Variants in IQCH observed in about 807,000 individuals in gnomAD.
The protein encoded by IQCH is IQ motif containing H.
In IQCH, 98 loss-of-function variants were observed where a neutral mutation model predicts 117.0. The observed-to-expected ratio is 0.84, with a 90% CI of 0.71 to 0.99. The LOEUF (loss-of-function observed/expected upper bound fraction) is 0.99. Among genes scored for constraint, IQCH ranks in the 50% least tolerant of loss-of-function variants. IQCH has a pLI of 0.00. For missense variants in IQCH, 1,102 were observed against 1,243.8 expected (o/e 0.89, Z 1.72); for synonymous variants, 412 against 448.2 (o/e 0.92, Z 1.02).
chr15:67,303,074 T>A (rs1043487567), intron 4 of IQCH, among the ~76,000 whole-genome samples: 2 of 152,200 alleles, frequency 1.3e-5, no homozygotes, highest in Non-Finnish European at 2.9e-5. Context: ...TCTGTCCAAT[T>A]CCTACAACAT....
In IQCH at chr15:67,417,044, C is replaced by G; in HGVS notation, c.2211C>G (p.Leu737=). The G allele has an allele frequency of 2.5e-6, 4 of 1,607,418 alleles. No individual in the cohort carries two copies. The highest frequency in any genetic ancestry group is 3.4e-6 in the Non-Finnish European group (4 of 1,177,074). Residue 737 remains leucine (L), a synonymous_variant, in exon 15 of 21, where the codon CTC becomes CTG. Transcript: ENST00000335894. The surrounding 1 kb of genome is among the most constrained non-coding windows in gnomAD (Gnocchi z 4.3). Reference sequence around the variant, plus strand: ...GGAGGAAATTCCTCCAAACATTTCTCAGTCAAGGTAAATAAGACTGTAAAG... The same window carrying G: ...GGAGGAAATTCCTCCAAACATTTCTGAGTCAAGGTAAATAAGACTGTAAAG... ...PTWRKFLQTF[L]SQGGVIEAFP... is the part of the protein sequence containing the mutation.
intron 16 of IQCH, among the ~76,000 whole-genome samples, chr15:67,464,386 T>C (rs1311965853): frequency 6.6e-6 from 1 of 152,266 alleles, no homozygotes; most frequent in East Asian, 1.9e-4. Context: ...AACGAATTAG[T>C]GGACATTACT....
rs2083723202 is a variant in IQCH at position 67,493,626 on chromosome 15, C to A, written c.2862-632C>A. On this transcript the variant is annotated intron_variant, in intron 19 of 20. Transcript: ENST00000335894. This position sits in a 1 kb window ranked among gnomAD's most constrained non-coding sequence, Gnocchi z 5.1. ...AGGAAATCATTCGGCAAGGATCACACTTAGCGACAGTTCTCCTAAAGTAAC... is the reference window on the plus strand; with the variant it reads ...AGGAAATCATTCGGCAAGGATCACAATTAGCGACAGTTCTCCTAAAGTAAC... Among the ~76,000 whole-genome samples the A allele has an allele frequency of 6.6e-6, 1 of 152,210 alleles. No individual in the cohort carries two copies. The highest frequency in any genetic ancestry group is 6.5e-5 in the Admixed American group (1 of 15,284).
intron 10 of IQCH, among the ~76,000 whole-genome samples, chr15:67,382,183 A>G (rs1261883201): frequency 2.0e-5 from 3 of 152,164 alleles, no homozygotes; most frequent in African/African-American, 7.2e-5. Context: ...AAATGAGAAA[A>G]GGGTGGTGAA....
At chr15:67,399,056 G>A (rs778793576) in intron 13 of IQCH, among the ~76,000 whole-genome samples, 6 of 152,100 alleles carry the variant, frequency 3.9e-5, no homozygotes, top group Non-Finnish European at 7.4e-5. Flanking sequence ...TAAGGAAAGT[G>A]GCTTCTCTTG....
At chr15:67,345,352 C>T (rs1234613606) in intron 6 of IQCH, among the ~76,000 whole-genome samples, 1 of 152,176 alleles carries the variant, frequency 6.6e-6, no homozygotes, top group African/African-American at 2.4e-5. Flanking sequence ...CCACCCCTCC[C>T]TTCTCTTTGA....
In IQCH at chr15:67,381,529, A is replaced by C. The variant is rs186369205; in HGVS notation, c.1373-3407A>C. ...GGAAGAGAGAGTGCCTCTTTCTGCT[A>C]GTGTTGTATTGTTCTGTGCTAATGA... On this transcript the variant is annotated intron_variant, in intron 10 of 20. Transcript: ENST00000335894. This position sits in a 1 kb window ranked among gnomAD's most constrained non-coding sequence, Gnocchi z 5.1. 6.6e-6 allele frequency among the ~76,000 whole-genome samples: 1 copy of C among 152,294 alleles called. No homozygotes were observed. Among genetic ancestry groups the C allele is most frequent in the Admixed American group, 6.5e-5 (1 of 15,296 alleles).
At chr15:67,314,300 C>G (rs1967740668) in intron 4 of IQCH, among the ~76,000 whole-genome samples, 1 of 152,040 alleles carries the variant, frequency 6.6e-6, no homozygotes, top group Non-Finnish European at 1.5e-5. Context: ...ACCCAACTCT[C>G]CTATTGCCAC....
chr15:67,395,616 GATCTTGGACA>G lies in IQCH; in HGVS notation c.1905+56_1905+65del. 1 of 1,558,524 alleles carries G rather than the reference GATCTTGGACA, an allele frequency of 6.4e-7. No homozygotes were observed. Among genetic ancestry groups the G allele is most frequent in the Non-Finnish European group, 8.7e-7 (1 of 1,143,140 alleles). On this transcript the variant is annotated intron_variant, in intron 13 of 20. Coordinates refer to ENST00000335894, the MANE Select transcript of IQCH (RefSeq NM_001031715.3). This position sits in a 1 kb window ranked among gnomAD's most constrained non-coding sequence, Gnocchi z 4.0. ...GTTCAAATATTTGAAACATCCTCTT[GATCTTGGACA>G]ATTTCCAAGTCTTCTGGAGCCAGAC...
intron 4 of IQCH, among the ~76,000 whole-genome samples, chr15:67,308,567 A>G (rs1967424244): frequency 6.6e-6 from 1 of 152,144 alleles, no homozygotes; most frequent in Admixed American, 6.6e-5. Flanking sequence ...CCTATCATTT[A>G]AAGTGAGCTT....
chr15:67,424,116 T>C lies in IQCH; in HGVS notation c.2505+2539T>C, dbSNP rs970912795. ...CACCCTTCACTTGGCTGGTTCCATG[T>C]ACCTGGCCAGTCTTGTCTCACCCTA... is the stretch of plus-strand genomic sequence containing the variant. On this transcript the variant is annotated intron_variant, in intron 16 of 20. Transcript: ENST00000335894. This position sits in a 1 kb window ranked among gnomAD's most constrained non-coding sequence, Gnocchi z 4.9. Among the ~76,000 whole-genome samples the C allele has an allele frequency of 1.3e-5, 2 of 152,202 alleles. No homozygotes were observed. Among genetic ancestry groups the C allele is most frequent in the Non-Finnish European group, 1.5e-5 (1 of 68,028 alleles).
At chr15:67,354,854 C>T (rs939131797) in intron 6 of IQCH, among the ~76,000 whole-genome samples, 1 of 152,156 alleles carries the variant, frequency 6.6e-6, no homozygotes. Context: ...TTCATGCTTG[C>T]CACCTCTTGG....
intron 4 of IQCH, among the ~76,000 whole-genome samples, chr15:67,321,426 C>G (rs933994766): frequency 1.3e-5 from 2 of 151,930 alleles, no homozygotes; most frequent in African/African-American, 4.8e-5. Flanking sequence ...TTTCTTCCTT[C>G]CTTCCTTCTT....
At position 67,307,993 on chromosome 15, in the gene IQCH, T is replaced by G. The variant is rs1329962818; in HGVS notation, c.387+28481T>G. Among the ~76,000 whole-genome samples, 3 of 152,198 alleles carry G rather than the reference T, an allele frequency of 2.0e-5. No individual in the cohort carries two copies. In the East Asian group the frequency reaches 5.8e-4, roughly 29 times the overall value. On this transcript the variant is annotated intron_variant, in intron 4 of 20. Coordinates refer to ENST00000335894, the MANE Select transcript of IQCH (RefSeq NM_001031715.3). ...GTGCAGTTGAGGCAGACAAAGCTGC[T>G]TCTGTACGTATCAGCATTCCTTGAC...
In IQCH at chr15:67,493,302, G is replaced by A. The variant is rs989068051; in HGVS notation, c.2862-956G>A. Among the ~76,000 whole-genome samples the A allele has an allele frequency of 6.6e-6, 1 of 152,146 alleles. No homozygotes were observed. The highest frequency in any genetic ancestry group is 2.4e-5 in the African/African-American group (1 of 41,432). The stretch of plus-strand genomic sequence containing the variant: ...GATTTGCCTGGGTCACACAGTAGGT[G>A]GTCTGTCTCCTGATCCTGAACTTGG... On this transcript the variant is annotated intron_variant, in intron 19 of 20. Transcript: ENST00000335894. The surrounding 1 kb of genome is among the most constrained non-coding windows in gnomAD (Gnocchi z 5.1).
chr15:67,394,060 C>T (rs1022022341), intron 12 of IQCH, among the ~76,000 whole-genome samples: 4 of 152,096 alleles, frequency 2.6e-5, no homozygotes, highest in African/African-American at 9.7e-5. Flanking sequence ...CAAAGCCAGA[C>T]CTGTTTCACT....
At chr15:67,421,638 C>A in intron 16 of IQCH, 61 bp downstream of exon 16, 1 of 1,527,204 alleles carries the variant, frequency 6.5e-7, no homozygotes, top group Non-Finnish European at 9.0e-7. Context: ...ACCCTACACA[C>A]CTACAGTACA....
At chr15:67,442,428 A>G (rs2082293101) in intron 16 of IQCH, among the ~76,000 whole-genome samples, 1 of 152,016 alleles carries the variant, frequency 6.6e-6, no homozygotes, top group Non-Finnish European at 1.5e-5. Flanking sequence ...AAAAGAAAAA[A>G]TGCTCAACAT....
At position 67,406,019 on chromosome 15, in the gene IQCH, A is replaced by G. The variant is rs749985668; in HGVS notation, c.2097+5714A>G. ...TCTAGGATTCAGCTCTTGCAACCCAACTGCCTCATATACCTGGTTATGTGC... is the reference window on the plus strand; with the variant it reads ...TCTAGGATTCAGCTCTTGCAACCCAGCTGCCTCATATACCTGGTTATGTGC... On this transcript the variant is annotated intron_variant, in intron 14 of 20. Coordinates refer to ENST00000335894, the MANE Select transcript of IQCH (RefSeq NM_001031715.3). This position sits in a 1 kb window ranked among gnomAD's most constrained non-coding sequence, Gnocchi z 4.5. The G allele has an allele frequency of 6.6e-6, 1 of 152,210 alleles. No individual in the cohort carries two copies. Among genetic ancestry groups the G allele is most frequent in the Non-Finnish European group, 1.5e-5 (1 of 68,058 alleles). 9.4% of individuals were successfully genotyped at this position (152,210 alleles called of 1,614,324 possible). A position where few individuals can be genotyped will look rare whatever the true frequency, so the allele number is the denominator to read the frequency against.
Sources: gnomAD v4.1 joint callset for allele counts (sites outside exome capture counted in the v4.1 genomes callset) on GRCh38, gnomAD v4.1.1 for gene constraint, Gnocchi (gnomAD v3.1) non-coding constraint, MANE v1.5 for transcripts, NCBI Gene and HGNC (gene_info 2026-07-23, HGNC 2026-07-21) for gene names.